SNTB1: variants seen among roughly 807,000 people sequenced by gnomAD.
SNTB1 encodes syntrophin beta 1, also known as beta-1-syntrophin.
SNTB1 carries 36 observed loss-of-function variants against 48.9 expected under a neutral mutation model. That is an observed-to-expected ratio of 0.74 (90% CI 0.56 to 0.97). The LOEUF is 0.97. Ranked by LOEUF, SNTB1 falls within the 50% of genes least tolerant of loss-of-function variation. SNTB1 has a pLI of 0.00. For missense variants in SNTB1, 786 were observed against 703.4 expected (o/e 1.12, Z -1.33); for synonymous variants, 299 against 294.6 (o/e 1.01, Z -0.15).
chr8:120,698,975 G>A (rs1463176186), intron 1 of SNTB1, among the ~76,000 whole-genome samples: 2 of 152,204 alleles, frequency 1.3e-5, no homozygotes, highest in Non-Finnish European at 2.9e-5. Context: ...CAACATTAGT[G>A]TATTAAGCAA....
At chr8:120,576,043 T>C (rs1316845925) in intron 3 of SNTB1, among the ~76,000 whole-genome samples, 1 of 152,196 alleles carries the variant, frequency 6.6e-6, no homozygotes, top group African/African-American at 2.4e-5. Context: ...TTAAGCTCGG[T>C]TTAAAAACTC....
intron 4 of SNTB1, among the ~76,000 whole-genome samples, chr8:120,554,740 T>A (rs541421131): frequency 4.6e-5 from 7 of 152,304 alleles, no homozygotes; most frequent in African/African-American, 1.7e-4. Context: ...CTTCTCAGAA[T>A]AAAGTTAACT....
At chr8:120,685,342 T>C (rs1216394331) in intron 2 of SNTB1, among the ~76,000 whole-genome samples, 2 of 152,214 alleles carry the variant, frequency 1.3e-5, no homozygotes, top group African/African-American at 4.8e-5. Context: ...CCACACGGCG[T>C]CCTTTGAAAT....
chr8:120,691,626 C>CA (rs1818128594), intron 2 of SNTB1, among the ~76,000 whole-genome samples: 1 of 152,104 alleles, frequency 6.6e-6, no homozygotes, highest in African/African-American at 2.4e-5. Flanking sequence ...AATGTGGGCC[C>CA]AATAACATCA....
At chr8:120,602,697 C>G (rs1816440394) in intron 3 of SNTB1, among the ~76,000 whole-genome samples, 3 of 152,066 alleles carry the variant, frequency 2.0e-5, no homozygotes, top group Admixed American at 2.0e-4. Context: ...TCTGGAGAAT[C>G]CTGATACACT....
At chr8:120,661,254 T>C (rs1271580992) in intron 2 of SNTB1, among the ~76,000 whole-genome samples, 1 of 150,648 alleles carries the variant, frequency 6.6e-6, no homozygotes, top group Non-Finnish European at 1.5e-5. Context: ...CAATGAAGTA[T>C]GCATGTACAG....
At chr8:120,557,575 T>G (rs1815586136) in intron 4 of SNTB1, among the ~76,000 whole-genome samples, 1 of 152,210 alleles carries the variant, frequency 6.6e-6, no homozygotes, top group African/African-American at 2.4e-5. Flanking sequence ...TCAAGACCAT[T>G]TGCCATCTGA....
chr8:120,611,618 C>T (rs1298890449), intron 3 of SNTB1, among the ~76,000 whole-genome samples: 1 of 151,680 alleles, frequency 6.6e-6, no homozygotes, highest in Non-Finnish European at 1.5e-5. Context: ...GTCAGGAGAT[C>T]GAGACCATCC....
intron 1 of SNTB1, among the ~76,000 whole-genome samples, chr8:120,725,266 G>A (rs1005927570): frequency 6.6e-5 from 10 of 152,124 alleles, no homozygotes; most frequent in African/African-American, 2.4e-4. Context: ...TCTTCAAATT[G>A]TCCCCAGTCA....
chr8:120,610,838 G>A (rs1816610762), intron 3 of SNTB1, among the ~76,000 whole-genome samples: 1 of 152,138 alleles, frequency 6.6e-6, no homozygotes, highest in African/African-American at 2.4e-5. Context: ...TATTACTTTA[G>A]AGAGGCAATT....
rs1298342985 is a variant in SNTB1 at position 120,693,678 on chromosome 8, T to C, written c.788+14A>G. 5 of 1,611,150 alleles carry C rather than the reference T, an allele frequency of 3.1e-6. No homozygotes were observed. In the South Asian group the frequency reaches 5.5e-5, roughly 18 times the overall value. The stretch of plus-strand genomic sequence containing the variant: ...GAGCTGCTTGATACAGTGGAGAGTT[T>C]TGACCCTATTTACCTGTTCTCAGGG... On this transcript the variant is annotated intron_variant, in intron 2 of 6. Transcript: ENST00000517992.
chr8:120,770,399 AT>A (rs111859750), intron 1 of SNTB1, among the ~76,000 whole-genome samples: 13,090 of 143,918 alleles, frequency 0.091, 543 homozygotes, highest in Non-Finnish European at 0.11. Context: ...GTAATAAAGC[AT>A]TTTTTTTTTT....
At chr8:120,742,737 T>G (rs1450913732) in intron 1 of SNTB1, among the ~76,000 whole-genome samples, 1 of 152,150 alleles carries the variant, frequency 6.6e-6, no homozygotes, top group Non-Finnish European at 1.5e-5. Context: ...TTTCCAGAAA[T>G]TAACAGACTG....
At chr8:120,770,823 T>G (rs961526895) in intron 1 of SNTB1, among the ~76,000 whole-genome samples, 1 of 151,854 alleles carries the variant, frequency 6.6e-6, no homozygotes, top group Non-Finnish European at 1.5e-5. Flanking sequence ...CAAAAAAAAA[T>G]TTTTAAAAAG....
At chr8:120,627,263 AC>A (rs1270811840) in intron 3 of SNTB1, among the ~76,000 whole-genome samples, 2 of 152,190 alleles carry the variant, frequency 1.3e-5, no homozygotes, top group African/African-American at 2.4e-5. Flanking sequence ...AGAAATTTGA[AC>A]CGTTTTGTTG....
At position 120,811,803 on chromosome 8, in the gene SNTB1, C is replaced by A; in HGVS notation, c.41G>T (p.Gly14Val). The A allele has an allele frequency of 7.3e-7, 1 of 1,370,664 alleles. No individual in the cohort carries two copies. The allele number at this position is 1,370,664 out of a possible 1,614,324, so 84.9% of individuals were successfully genotyped here. A position where few individuals can be genotyped will look rare whatever the true frequency, so the allele number is the denominator to read the frequency against. ...CCGCTGCGCCCGGCCGCCTCCCGCG[C>A]CAGCCGGCCCAGCCGCCGCCGCCGC... ...AAAAAAAGPA[G>V]AGGGRAQRSG... Residue 14 changes from glycine to valine, a missense_variant, in exon 1 of 7, where the codon GGC becomes GTC. Gly to Val is a moderately radical substitution (Grantham distance 109). Coordinates refer to ENST00000517992, the MANE Select transcript of SNTB1 (RefSeq NM_021021.4).
At chr8:120,588,760 A>C (rs1587011282) in intron 3 of SNTB1, among the ~76,000 whole-genome samples, 1 of 152,158 alleles carries the variant, frequency 6.6e-6, no homozygotes, top group East Asian at 1.9e-4. Context: ...TTTCAAGGGT[A>C]TTTCTCAAAA....
chr8:120,726,487 A>G (rs571323106), intron 1 of SNTB1, among the ~76,000 whole-genome samples: 30 of 152,316 alleles, frequency 2.0e-4, no homozygotes, highest in Admixed American at 7.8e-4. Flanking sequence ...AATTTTTCAA[A>G]TGGCTAAACA....
intron 2 of SNTB1, among the ~76,000 whole-genome samples, chr8:120,685,195 C>T (rs1223986161): frequency 6.6e-6 from 1 of 152,184 alleles, no homozygotes; most frequent in African/African-American, 2.4e-5. Flanking sequence ...GGTGGCTCTG[C>T]CCTTATGGCT....
Sources: gnomAD v4.1 joint callset for allele counts (sites outside exome capture counted in the v4.1 genomes callset) on GRCh38, gnomAD v4.1.1 for gene constraint, MANE v1.5 for transcripts, NCBI Gene and HGNC (gene_info 2026-07-23, HGNC 2026-07-21) for gene names.